The following DNAH11 variants were observed in gnomAD, a reference collection of about 807,000 sequenced individuals.
The protein encoded by DNAH11 is dynein axonemal heavy chain 11.
DNAH11 carries 442 observed loss-of-function variants against 526.0 expected under a neutral mutation model. That is an observed-to-expected ratio of 0.84 (90% confidence interval 0.78 to 0.91). DNAH11 has a LOEUF of 0.91. Among genes scored for constraint, DNAH11 ranks in the 40% least tolerant of loss-of-function variants. The pLI, the probability that DNAH11 is intolerant of heterozygous loss-of-function variation, is 0.00. For missense variants in DNAH11, 6,989 were observed against 5,448.7 expected (o/e 1.28, Z -8.90); for synonymous variants, 2,461 against 1,935.9 (o/e 1.27, Z -7.12).
At chr7:21,787,712 C>G in intron 60 of DNAH11, 129 bp downstream of exon 60, 1 of 742,664 alleles carries the variant, frequency 1.3e-6, no homozygotes, top group South Asian at 3.2e-5. Context: ...AGTTCTAAGA[C>G]TAAGACATGA....
At chr7:21,550,113 C>T (rs1782962721) in intron 2 of DNAH11, among the ~76,000 whole-genome samples, 1 of 140,428 alleles carries the variant, frequency 7.1e-6, no homozygotes, top group African/African-American at 2.8e-5. Context: ...GTGACCTGTG[C>T]ACTTTACATT....
intron 61 of DNAH11, 100 bp downstream of exon 61, chr7:21,789,442 A>C (rs1189161440): frequency 5.8e-6 from 4 of 695,020 alleles, no homozygotes; most frequent in Non-Finnish European, 9.6e-6. Flanking sequence ...AGCCCTATCA[A>C]GCAGAAAGGA....
chr7:21,609,814 A>G (rs1785444425), intron 20 of DNAH11, among the ~76,000 whole-genome samples: 1 of 152,220 alleles, frequency 6.6e-6, no homozygotes, highest in South Asian at 2.1e-4. Context: ...GTCTAGAACT[A>G]TGAGATTGAG....
At chr7:21,838,789 G>T (rs1262820075) in intron 65 of DNAH11, among the ~76,000 whole-genome samples, 5 of 151,662 alleles carry the variant, frequency 3.3e-5, no homozygotes, top group Non-Finnish European at 5.9e-5. Context: ...GAGTGCAGTG[G>T]CCTGATCACA....
chr7:21,616,975 C>T (rs200658931), intron 22 of DNAH11, among the ~76,000 whole-genome samples: 3 of 152,146 alleles, frequency 2.0e-5, no homozygotes, highest in East Asian at 3.8e-4. Context: ...CCTGTATTTT[C>T]CCCCATATTA....
intron 5 of DNAH11, 97 bp from the exon 6 acceptor site, chr7:21,564,089 A>G (rs1015037352): frequency 3.7e-6 from 3 of 802,372 alleles, no homozygotes; most frequent in East Asian, 5.3e-5. Context: ...AAGTGTGGCC[A>G]TGTTGTTTTA....
At chr7:21,887,588 T>A (rs1156929638) in intron 76 of DNAH11, among the ~76,000 whole-genome samples, 1 of 152,230 alleles carries the variant, frequency 6.6e-6, no homozygotes, top group African/African-American at 2.4e-5. Context: ...ACCAGAATGA[T>A]CAACTTACAG....
intron 25 of DNAH11, among the ~76,000 whole-genome samples, chr7:21,631,061 A>G (rs937477689): frequency 6.6e-6 from 1 of 152,296 alleles, no homozygotes; most frequent in Non-Finnish European, 1.5e-5. Context: ...CCATGTGGCT[A>G]GGGAGGCCTC....
intron 14 of DNAH11, among the ~76,000 whole-genome samples, chr7:21,595,999 G>A (rs540489324): frequency 3.3e-5 from 5 of 152,288 alleles, no homozygotes; most frequent in Admixed American, 1.3e-4. Context: ...TTACCAAAAC[G>A]TAAAGTACAG....
intron 2 of DNAH11, among the ~76,000 whole-genome samples, chr7:21,558,240 T>C (rs1024656735): frequency 1.3e-5 from 2 of 152,218 alleles, no homozygotes; most frequent in Non-Finnish European, 2.9e-5. Flanking sequence ...AATTACATAA[T>C]ATATGCCAGG....
chr7:21,885,790 C>T (rs1236422688), intron 76 of DNAH11, among the ~76,000 whole-genome samples: 5 of 152,160 alleles, frequency 3.3e-5, no homozygotes, highest in African/African-American at 1.2e-4. Context: ...CCTCATTCTT[C>T]CTTCTCTCGT....
rs576070384 is a variant in DNAH11, at chr7:21,646,165, A to AT, written c.4944+7101dup. 8.0e-3 allele frequency among the ~76,000 whole-genome samples: 1,218 copies of AT among 152,342 alleles called. 12 individuals are homozygous for AT. The highest frequency in any genetic ancestry group is 0.011 in the Non-Finnish European group (722 of 68,030). On this transcript the variant is annotated intron_variant, in intron 28 of 81. Coordinates refer to ENST00000409508, the MANE Select transcript of DNAH11 (RefSeq NM_001277115.2). The stretch of plus-strand genomic sequence containing the variant: ...AAAAAAGATGGAATGGCTAGTAAAC[A>AT]TAAGAAAGGTTGCTCAATTTCAGAA...
intron 8 of DNAH11, among the ~76,000 whole-genome samples, chr7:21,573,691 A>G (rs1562671166): frequency 6.6e-6 from 1 of 152,108 alleles, no homozygotes; most frequent in South Asian, 2.1e-4. Context: ...AACCTAGTGT[A>G]TGCATATATT....
At chr7:21,684,464 G>A (rs1056208325) in intron 32 of DNAH11, among the ~76,000 whole-genome samples, 1 of 152,130 alleles carries the variant, frequency 6.6e-6, no homozygotes, top group Non-Finnish European at 1.5e-5. Flanking sequence ...CAATAAAAAA[G>A]TAAATTAATT....
chr7:21,881,918 C>T (rs139273350), intron 75 of DNAH11, among the ~76,000 whole-genome samples: 22 of 132,556 alleles, frequency 1.7e-4, no homozygotes, highest in African/African-American at 5.3e-4. Flanking sequence ...TGTTCCATAT[C>T]TCTCATTTTT....
In DNAH11 at chr7:21,901,152, C is replaced by CA; in HGVS notation, c.13452dup (p.Leu4485ThrfsTer35). On this transcript the variant is annotated frameshift_variant, in exon 82 of 82. Transcript: ENST00000409508. LOFTEE classifies it high-confidence loss of function. ...CCTACGAGTGCCCTGTGTATAGAAC[C>CA]AAACTGAGAGGCCCCAGCTACATCT... 6.2e-7 allele frequency: 1 copy of CA among 1,612,924 alleles called. No individual in the cohort carries two copies. The highest frequency in any genetic ancestry group is 8.5e-7 in the Non-Finnish European group (1 of 1,179,094).
chr7:21,605,202 C>A (rs1193712251), intron 18 of DNAH11, among the ~76,000 whole-genome samples: 1 of 152,208 alleles, frequency 6.6e-6, no homozygotes, highest in Admixed American at 6.5e-5. Flanking sequence ...CTGGCAGTTA[C>A]TGAATCGTTC....
chr7:21,648,597 GCCCAGCTGGACTAGCTGA>G (rs1182483142), intron 28 of DNAH11, among the ~76,000 whole-genome samples: 1 of 152,202 alleles, frequency 6.6e-6, no homozygotes, highest in East Asian at 1.9e-4. Context: ...ATGTGGGACA[GCCCAGCTGGACTAGCTGA>G]GGCAACCCAA....
intron 2 of DNAH11, among the ~76,000 whole-genome samples, chr7:21,552,599 G>A (rs56259611): frequency 0.12 from 17,857 of 152,168 alleles, 1,193 homozygotes; most frequent in Non-Finnish European, 0.16. Flanking sequence ...AAGATTATCT[G>A]TGTATTATAA....
Sources: allele counts gnomAD v4.1 joint callset (sites outside exome capture counted in the v4.1 genomes callset), GRCh38; gene constraint gnomAD v4.1.1; transcripts MANE v1.5; gene names NCBI Gene and HGNC (gene_info 2026-07-23, HGNC 2026-07-21).